LINGO2: variants seen among roughly 807,000 people sequenced by gnomAD.
The protein encoded by LINGO2 is leucine-rich repeat and immunoglobulin-like domain-containing nogo receptor-interacting protein 2.
A neutral mutation model predicts 30.6 loss-of-function variants in LINGO2; 14 were observed. The ratio of observed to expected loss-of-function variants is 0.46; its 90% confidence interval spans 0.30 to 0.72. The LOEUF (loss-of-function observed/expected upper bound fraction) is 0.72. Ranked by LOEUF, LINGO2 falls within the 30% of genes least tolerant of loss-of-function variation. The pLI is 0.07. For missense variants in LINGO2, 729 were observed against 751.7 expected (o/e 0.97, Z 0.35); for synonymous variants, 317 against 288.5 (o/e 1.10, Z -1.00).
intron 4 of LINGO2, among the ~76,000 whole-genome samples, chr9:28,219,046 G>T (rs945465244): frequency 3.3e-5 from 5 of 152,070 alleles, no homozygotes; most frequent in Non-Finnish European, 5.9e-5. Context: ...ACACATGCAG[G>T]CAGTCACCCA....
the LINGO2 span, among the ~76,000 whole-genome samples, chr9:28,812,371 A>T: frequency 6.6e-6 from 1 of 152,120 alleles, no homozygotes; most frequent in South Asian, 2.1e-4. Flanking sequence ...ATGAAATGTA[A>T]ATATATTTAT....
chr9:28,786,148 C>T, the LINGO2 span, among the ~76,000 whole-genome samples: 294 of 152,250 alleles, frequency 1.9e-3, 1 homozygote, highest in African/African-American at 6.9e-3. Context: ...ATCCATTTTT[C>T]TATTTGGCAT....
intron 5 of LINGO2, among the ~76,000 whole-genome samples, chr9:27,995,518 A>G (rs1821617154): frequency 6.6e-6 from 1 of 152,184 alleles, no homozygotes; most frequent in South Asian, 2.1e-4. Flanking sequence ...CAACACATTA[A>G]AAAGAGCAGT....
the LINGO2 span, among the ~76,000 whole-genome samples, chr9:28,911,376 T>G: frequency 7.2e-4 from 110 of 151,988 alleles, 1 homozygote; most frequent in Non-Finnish European, 9.7e-4. Context: ...CGTTTGACAT[T>G]CCTTGATATA....
chr9:28,718,392 C>T, the LINGO2 span, among the ~76,000 whole-genome samples: 1 of 151,978 alleles, frequency 6.6e-6, no homozygotes, highest in Non-Finnish European at 1.5e-5. Flanking sequence ...ATGTATAATA[C>T]ATAAACTACA....
At chr9:27,974,189 T>C (rs929768904) in intron 5 of LINGO2, among the ~76,000 whole-genome samples, 7 of 152,186 alleles carry the variant, frequency 4.6e-5, no homozygotes, top group African/African-American at 1.7e-4. Flanking sequence ...TTGTACTTTA[T>C]GGCCCTGAGA....
At chr9:28,714,235 C>A in the LINGO2 span, among the ~76,000 whole-genome samples, 208 of 144,008 alleles carry the variant, frequency 1.4e-3, no homozygotes, top group African/African-American at 4.0e-3. Flanking sequence ...ATATATATAT[C>A]TCTCTCCACT....
rs55970215 is a variant in LINGO2 at position 28,425,358 on chromosome 9, T to C, written c.-279+50582A>G. Among the ~76,000 whole-genome samples, 1,444 of 150,332 alleles carry C rather than the reference T, an allele frequency of 9.6e-3. 23 individuals carry two copies. The highest frequency in any genetic ancestry group is 0.033 in the African/African-American group (1,377 of 41,120). Reference sequence around the variant, plus strand: ...ATATATATATATAAACACATACATATACACATATATTGGCTCAATTATCCA... The same window carrying C: ...ATATATATATATAAACACATACATACACACATATATTGGCTCAATTATCCA... On this transcript the variant is annotated intron_variant, in intron 2 of 5. Coordinates refer to ENST00000379992, the Ensembl canonical transcript of LINGO2.
chr9:28,535,064 A>C (rs979017569), intron 1 of LINGO2, among the ~76,000 whole-genome samples: 24 of 152,290 alleles, frequency 1.6e-4, no homozygotes, highest in Middle Eastern at 3.4e-3. Context: ...TCTCCGAGGA[A>C]ATTACCACAG....
intron 4 of LINGO2, among the ~76,000 whole-genome samples, chr9:28,052,166 T>C (rs113040722): frequency 1.3e-5 from 2 of 152,180 alleles, no homozygotes; most frequent in Admixed American, 6.6e-5. Context: ...CTGTAGTGAA[T>C]TCAACAAAAT....
chr9:28,012,225 A>G (rs1231409589), intron 5 of LINGO2: 1 of 151,950 alleles, frequency 6.6e-6, no homozygotes, highest in Non-Finnish European at 1.5e-5. Context: ...ACTGAGAAGC[A>G]TGTATAAGGT....
At chr9:28,423,869 A>G (rs1256303768) in intron 2 of LINGO2, among the ~76,000 whole-genome samples, 2 of 152,128 alleles carry the variant, frequency 1.3e-5, no homozygotes, top group Non-Finnish European at 2.9e-5. Flanking sequence ...GTGTTTTAAA[A>G]TTATTATCTT....
At chr9:28,223,163 T>C (rs958416716) in intron 4 of LINGO2, among the ~76,000 whole-genome samples, 2 of 152,222 alleles carry the variant, frequency 1.3e-5, no homozygotes, top group Admixed American at 1.3e-4. Context: ...TTTGTGCTTC[T>C]GTAACAAAAT....
chr9:28,155,255 A>C (rs1828102365), intron 4 of LINGO2, among the ~76,000 whole-genome samples: 1 of 152,214 alleles, frequency 6.6e-6, no homozygotes, highest in Non-Finnish European at 1.5e-5. Context: ...CCAGGAATCT[A>C]GAAGTCATGG....
intron 4 of LINGO2, among the ~76,000 whole-genome samples, chr9:28,097,567 C>A (rs985081904): frequency 3.5e-5 from 5 of 142,556 alleles, no homozygotes; most frequent in Non-Finnish European, 7.6e-5. Flanking sequence ...CCATCATTCT[C>A]AGTAAACTAT....
chr9:28,765,410 A>T, the LINGO2 span, among the ~76,000 whole-genome samples: 1 of 152,198 alleles, frequency 6.6e-6, no homozygotes, highest in Non-Finnish European at 1.5e-5. Context: ...TGTCCACACC[A>T]AAATTCATGT....
intron 2 of LINGO2, among the ~76,000 whole-genome samples, chr9:28,389,395 C>A (rs1421675521): frequency 1.3e-5 from 2 of 152,120 alleles, no homozygotes; most frequent in Non-Finnish European, 2.9e-5. Flanking sequence ...AGATTGGAAG[C>A]TACATATCAG....
chr9:28,814,778 C>T, the LINGO2 span, among the ~76,000 whole-genome samples: 8 of 150,302 alleles, frequency 5.3e-5, no homozygotes, highest in African/African-American at 1.7e-4. Context: ...ATTCCAGCTA[C>T]TCTCTCCCTC....
the LINGO2 span, among the ~76,000 whole-genome samples, chr9:28,864,430 T>G: frequency 6.6e-6 from 1 of 152,258 alleles, no homozygotes; most frequent in Admixed American, 6.5e-5. Flanking sequence ...ACAATAAAGT[T>G]ACTCTCCTTT....
Sources: allele counts gnomAD v4.1 joint callset (sites outside exome capture counted in the v4.1 genomes callset), GRCh38; gene constraint gnomAD v4.1.1; transcripts MANE v1.5; gene names NCBI Gene and HGNC (gene_info 2026-07-23, HGNC 2026-07-21).